WDR70: variants seen among roughly 807,000 people sequenced by gnomAD.
WDR70 encodes WD repeat domain 70.
WDR70 carries 53 observed loss-of-function variants against 88.6 expected under a neutral mutation model. That is an observed-to-expected ratio of 0.60 (90% confidence interval 0.48 to 0.75). The LOEUF is 0.75. WDR70 is among the 30% of genes least tolerant of loss of function. The probability of loss-of-function intolerance (pLI) is 0.00; values close to 1 mark genes in which losing one functional copy is unlikely to be tolerated. For synonymous variants in WDR70, 280 were observed against 270.0 expected, an observed-to-expected ratio of 1.04 and a Z score of -0.36; for missense variants, 610 against 823.2, an observed-to-expected ratio of 0.74 and a Z score of 3.17.
intron 10 of WDR70, among the ~76,000 whole-genome samples, chr5:37,613,725 C>T (rs1014964641): frequency 5.3e-5 from 8 of 152,018 alleles, no homozygotes; most frequent in African/African-American, 1.9e-4. Context: ...TACTGTGAGC[C>T]AGGCAATATT....
intron 9 of WDR70, among the ~76,000 whole-genome samples, chr5:37,582,268 T>C (rs985783640): frequency 6.6e-6 from 1 of 152,178 alleles, no homozygotes; most frequent in African/African-American, 2.4e-5. Context: ...ACTATAGGGA[T>C]AGGTGAAAAC....
intron 13 of WDR70, among the ~76,000 whole-genome samples, chr5:37,713,864 C>G (rs767560896): frequency 1.3e-5 from 2 of 152,214 alleles, no homozygotes; most frequent in Non-Finnish European, 2.9e-5. Context: ...TCTCCCTCAG[C>G]CTGAATCTGA....
intron 5 of WDR70, among the ~76,000 whole-genome samples, chr5:37,407,318 T>G (rs964874697): frequency 4.6e-5 from 7 of 151,326 alleles, no homozygotes; most frequent in African/African-American, 1.7e-4. Flanking sequence ...AGCTCAGGAG[T>G]TCAAGAACAG....
At chr5:37,622,957 T>C (rs896165152) in intron 10 of WDR70, among the ~76,000 whole-genome samples, 2 of 152,152 alleles carry the variant, frequency 1.3e-5, no homozygotes, top group African/African-American at 2.4e-5. Context: ...AAATAGAATA[T>C]AGCAAATTCT....
At chr5:37,379,747 T>TGA (rs1748365268) in intron 2 of WDR70, among the ~76,000 whole-genome samples, 193 bp downstream of exon 2, 1 of 8,338 alleles carries the variant, frequency 1.2e-4, no homozygotes, top group Non-Finnish European at 0.012. Context: ...ATGACAGTTA[T>TGA]GAGAGTCTGG....
rs1231657012 is a variant in WDR70, at chr5:37,540,483, G to A, written c.917+23893G>A. Among the ~76,000 whole-genome samples the A allele has an allele frequency of 3.3e-5, 5 of 152,332 alleles. No individual in the cohort carries two copies. In the South Asian group the frequency reaches 1.0e-3, roughly 32 times the overall value. The stretch of plus-strand genomic sequence containing the variant: ...TGCAATCTCCGCCTCCCAGGTTCAA[G>A]CCATTCTCCTGCCTCAGCCTCCTGA... On this transcript the variant is annotated intron_variant, in intron 9 of 17. Coordinates refer to ENST00000265107, the MANE Select transcript of WDR70 (RefSeq NM_018034.4).
intron 9 of WDR70, among the ~76,000 whole-genome samples, chr5:37,583,733 G>T (rs1366387175): frequency 1.3e-5 from 2 of 152,036 alleles, no homozygotes; most frequent in Non-Finnish European, 2.9e-5. Context: ...TATGTTAATT[G>T]GGAGAAAAGT....
rs994407689 is a variant in WDR70 at position 37,705,319 on chromosome 5, C to T, written c.1416+2232C>T. Among the ~76,000 whole-genome samples, 6 of 151,858 alleles carry T rather than the reference C, an allele frequency of 4.0e-5. No individual in the cohort carries two copies. The South Asian group carries it at 6.2e-4, about 16-fold the overall frequency. ...CTAAGAAATGTCATCATTTAAGAGA[C>T]GAGCAAATGAAACTAAGAAAGGAGA... On this transcript the variant is annotated intron_variant, in intron 13 of 17. Transcript: ENST00000265107.
At chr5:37,736,460 G>A (rs1748306997) in intron 17 of WDR70, among the ~76,000 whole-genome samples, 1 of 152,144 alleles carries the variant, frequency 6.6e-6, no homozygotes, top group Non-Finnish European at 1.5e-5. Context: ...TGTTATTTGT[G>A]TCAGGAAGAA....
intron 9 of WDR70, among the ~76,000 whole-genome samples, chr5:37,554,419 T>C (rs587641): frequency 0.1 from 15,207 of 152,032 alleles, 2,455 homozygotes; most frequent in African/African-American, 0.34. Context: ...GTTGCTTGGA[T>C]GATCAGGGGA....
At chr5:37,537,907 A>G (rs1741710583) in intron 9 of WDR70, among the ~76,000 whole-genome samples, 1 of 152,166 alleles carries the variant, frequency 6.6e-6, no homozygotes, top group Non-Finnish European at 1.5e-5. Flanking sequence ...TAGGTCTAAT[A>G]CTGTAAAGTT....
chr5:37,732,876 C>T (rs907965333), intron 17 of WDR70, among the ~76,000 whole-genome samples: 1 of 151,796 alleles, frequency 6.6e-6, no homozygotes, highest in Non-Finnish European at 1.5e-5. Context: ...GAGGGGTGCA[C>T]TTTTGGGGTT....
At chr5:37,732,674 T>C (rs1021282639) in intron 17 of WDR70, among the ~76,000 whole-genome samples, 30 of 152,278 alleles carry the variant, frequency 2.0e-4, no homozygotes, top group African/African-American at 7.2e-4. Context: ...ACTATTTATG[T>C]CTTTTGCCCA....
chr5:37,740,878 A>G (rs561493571), intron 17 of WDR70, among the ~76,000 whole-genome samples: 5 of 152,192 alleles, frequency 3.3e-5, no homozygotes, highest in African/African-American at 1.2e-4. Flanking sequence ...TAGGGGAGGG[A>G]TGGAGCTCTC....
chr5:37,558,707 G>A (rs898400295), intron 9 of WDR70, among the ~76,000 whole-genome samples: 4 of 151,830 alleles, frequency 2.6e-5, no homozygotes, highest in African/African-American at 7.3e-5. Flanking sequence ...TCTGTTCTGC[G>A]TTATCTGTCA....
In WDR70 at chr5:37,482,483, T is replaced by C. The variant is rs577289830; in HGVS notation, c.840+2496T>C. Reference sequence around the variant, plus strand: ...CTCCCATTTATAAAACCATCAGATCTCATGAGACTTATTCAGTACCATGAG... The same window carrying C: ...CTCCCATTTATAAAACCATCAGATCCCATGAGACTTATTCAGTACCATGAG... On this transcript the variant is annotated intron_variant, in intron 8 of 17. Transcript: ENST00000265107. 3.3e-5 allele frequency among the ~76,000 whole-genome samples: 5 copies of C among 152,238 alleles called. No homozygotes were observed. In the South Asian group the frequency reaches 1.0e-3, roughly 32 times the overall value.
chr5:37,605,046 T>A lies in WDR70; in HGVS notation c.918-18T>A. The A allele has an allele frequency of 6.4e-7, 1 of 1,551,072 alleles. No individual in the cohort carries two copies. The highest frequency in any genetic ancestry group is 8.7e-7 in the Non-Finnish European group (1 of 1,151,548). ...TTTTTTTTTTTAAATAAATGAAAAA[T>A]CTCCTGATCATTTTTAGGACTGTGA... is the stretch of plus-strand genomic sequence containing the variant. On this transcript the variant is annotated intron_variant, in intron 9 of 17. Transcript: ENST00000265107.
intron 9 of WDR70, among the ~76,000 whole-genome samples, chr5:37,546,493 A>T (rs193199808): frequency 8.5e-5 from 13 of 152,350 alleles, no homozygotes; most frequent in African/African-American, 2.9e-4. Context: ...AATAATTCCT[A>T]TATAGGGATT....
At chr5:37,726,614 C>A (rs1265907998) in intron 16 of WDR70, among the ~76,000 whole-genome samples, 1 of 152,054 alleles carries the variant, frequency 6.6e-6, no homozygotes, top group Non-Finnish European at 1.5e-5. Context: ...ATATAGATGG[C>A]AAACTATCTG....
Sources: allele counts gnomAD v4.1 joint callset (sites outside exome capture counted in the v4.1 genomes callset), GRCh38; gene constraint gnomAD v4.1.1; transcripts MANE v1.5; gene names NCBI Gene and HGNC (gene_info 2026-07-23, HGNC 2026-07-21).